PDCD2L: variants seen among roughly 807,000 people sequenced by gnomAD.
PDCD2L encodes uS5 assembly chaperone PDCD2L.
A neutral mutation model predicts 40.4 loss-of-function variants in PDCD2L; 44 were observed. The ratio of observed to expected loss-of-function variants is 1.09; its 90% CI spans 0.86 to 1.40. The LOEUF is 1.40. Among genes scored for constraint, PDCD2L ranks in the 40% most tolerant of loss-of-function variants. PDCD2L has a pLI of 0.00. For missense variants in PDCD2L, 470 were observed against 453.7 expected, an observed-to-expected ratio of 1.04 and a Z score of -0.33; for synonymous variants, 194 against 174.6, an observed-to-expected ratio of 1.11 and a Z score of -0.88.
At chr19:34,409,069 T>C in intron 3 of PDCD2L, 92 bp from the exon 4 acceptor site, 1 of 1,187,142 alleles carries the variant, frequency 8.4e-7, no homozygotes, top group Non-Finnish European at 1.2e-6. Context: ...GAAGGCTCCC[T>C]CTGGAAGGCG....
intron 5 of PDCD2L, among the ~76,000 whole-genome samples, chr19:34,421,136 T>C (rs2075148907): frequency 6.6e-6 from 1 of 152,154 alleles, no homozygotes; most frequent in Non-Finnish European, 1.5e-5. Flanking sequence ...CTATTCCTAA[T>C]AGGCTACCAA....
chr19:34,411,186 G>C (rs2075101342), intron 4 of PDCD2L, among the ~76,000 whole-genome samples: 1 of 126,712 alleles, frequency 7.9e-6, no homozygotes, highest in African/African-American at 3.0e-5. Flanking sequence ...TTTTTTTAGA[G>C]ATGGGATCTT....
At chr19:34,418,068 A>T (rs902378102) in intron 5 of PDCD2L, among the ~76,000 whole-genome samples, 4 of 152,186 alleles carry the variant, frequency 2.6e-5, no homozygotes, top group Non-Finnish European at 4.4e-5. Context: ...TACTCATTTG[A>T]CATCTGTGTA....
In PDCD2L at chr19:34,413,849, TA is replaced by T. The variant is rs770316566; in HGVS notation, c.797+9del. On this transcript the variant is annotated splice_donor_region_variant and intron_variant, in intron 5 of 6. Coordinates refer to ENST00000246535, the MANE Select transcript of PDCD2L (RefSeq NM_032346.2). ...TGCTTGTCAGGAGCAGATTTTGAGGTAAAAAAAGGCACAGTTCCTTTTATTG... is the reference window on the plus strand; with the variant it reads ...TGCTTGTCAGGAGCAGATTTTGAGGTAAAAAAGGCACAGTTCCTTTTATTG... 26 of 1,529,140 alleles carry T rather than the reference TA, an allele frequency of 1.7e-5. No homozygotes were observed. The highest frequency in any genetic ancestry group is 3.5e-5 in the South Asian group (3 of 86,894). The allele number at this position is 1,529,140 out of a possible 1,614,324, so 94.7% of individuals were successfully genotyped here.
intron 5 of PDCD2L, among the ~76,000 whole-genome samples, chr19:34,419,886 G>A (rs117605524): frequency 0.015 from 2,202 of 145,298 alleles, 25 homozygotes; most frequent in South Asian, 0.026. Flanking sequence ...GAGCTCAAGT[G>A]ATCCTCCTGC....
At chr19:34,411,839 G>A (rs2075104714) in intron 4 of PDCD2L, among the ~76,000 whole-genome samples, 1 of 151,362 alleles carries the variant, frequency 6.6e-6, no homozygotes, top group South Asian at 2.1e-4. Context: ...ATTTTTAGTA[G>A]AGATGGGGCT....
In PDCD2L at chr19:34,410,766, ATT is replaced by A. The variant is rs1568358398; in HGVS notation, c.686+1258_686+1259del. 2.1e-4 allele frequency among the ~76,000 whole-genome samples: 31 copies of A among 149,590 alleles called. 1 individual carries two copies. Among genetic ancestry groups the A allele is most frequent in the East Asian group, 7.8e-4 (4 of 5,128 alleles). The stretch of plus-strand genomic sequence containing the variant: ...TGGTTATAAGGACTTTTTATTTTTT[ATT>A]TATTTATTTATTTATTTATTTATTT... On this transcript the variant is annotated intron_variant, in intron 4 of 6. Coordinates refer to ENST00000246535, the MANE Select transcript of PDCD2L (RefSeq NM_032346.2).
At chr19:34,413,327 A>ATTTTTTT (rs34915589) in intron 4 of PDCD2L, among the ~76,000 whole-genome samples, 5 of 98,822 alleles carry the variant, frequency 5.1e-5, no homozygotes, top group East Asian at 3.3e-4. Flanking sequence ...GGCGTGATTG[A>ATTTTTTT]TTTTTTTTTT....
chr19:34,411,668 T>G (rs1199269618), intron 4 of PDCD2L, among the ~76,000 whole-genome samples: 1 of 152,014 alleles, frequency 6.6e-6, no homozygotes, highest in Non-Finnish European at 1.5e-5. Flanking sequence ...ATTTTTGGTT[T>G]TTTTGAGACA....
chr19:34,408,300 T>C (rs2075086301), intron 3 of PDCD2L, among the ~76,000 whole-genome samples: 1 of 152,010 alleles, frequency 6.6e-6, no homozygotes, highest in African/African-American at 2.4e-5. Flanking sequence ...TTGTCAGGGT[T>C]CAGGTGCAGA....
intron 2 of PDCD2L, 56 bp from the exon 3 acceptor site, chr19:34,404,874 G>A: frequency 6.2e-7 from 1 of 1,610,470 alleles, no homozygotes; most frequent in Non-Finnish European, 8.5e-7. Context: ...GCTGGGGCGG[G>A]CCGGCGGGCT....
At chr19:34,405,143 G>GTTTTT (rs74177144) in intron 3 of PDCD2L, among the ~76,000 whole-genome samples, 153 bp downstream of exon 3, 48 of 111,072 alleles carry the variant, frequency 4.3e-4, no homozygotes, top group African/African-American at 8.0e-4. Context: ...TTTTCGTAAA[G>GTTTTT]TTTTTTTTTT....
chr19:34,405,781 C>A (rs2075071995), intron 3 of PDCD2L, among the ~76,000 whole-genome samples: 1 of 152,064 alleles, frequency 6.6e-6, no homozygotes, highest in Admixed American at 6.5e-5. Context: ...TGGCAGACAC[C>A]TGTAATCCCA....
Position 34,409,163 on chromosome 19 carries a change from A to G in PDCD2L, c.339A>G (p.Lys113=), listed in dbSNP as rs2075090269. The part of the protein sequence containing the change: ...VPEREAQDAQ[K]QGNSLAAEDW... ...TCATTCACTGAGTATTTTTCCAGAA[A>G]CAGGGAAACAGCCTTGCAGCTGAGG... The change falls in exon 4 of 7, where the codon AAA becomes AAG. Residue 113 remains lysine, a splice_region_variant and synonymous_variant. Coordinates refer to ENST00000246535, the MANE Select transcript of PDCD2L (RefSeq NM_032346.2). 1 of 1,606,852 alleles carries G rather than the reference A, an allele frequency of 6.2e-7. No individual in the cohort carries two copies.
At chr19:34,406,619 G>A (rs781468811) in intron 3 of PDCD2L, among the ~76,000 whole-genome samples, 3 of 151,458 alleles carry the variant, frequency 2.0e-5, no homozygotes, top group African/African-American at 4.9e-5. Flanking sequence ...TATTGATCTC[G>A]TGACCTTGTC....
intron 3 of PDCD2L, among the ~76,000 whole-genome samples, chr19:34,405,559 C>A (rs2075070745): frequency 6.6e-6 from 1 of 151,796 alleles, no homozygotes; most frequent in Non-Finnish European, 1.5e-5. Flanking sequence ...CGCCTGTGAT[C>A]CCACCGTTTT....
Position 34,404,655 on chromosome 19 carries a change from C to G in PDCD2L, c.115C>G (p.Leu39Val), listed in dbSNP as rs1248642957. 6.2e-7 allele frequency: 1 copy of G among 1,610,844 alleles called. No individual in the cohort carries two copies. The highest frequency in any genetic ancestry group is 1.1e-5 in the South Asian group (1 of 91,016). ...GCCTCCTCTGTCCCCTCAGGATGCT[C>G]TGCCCACCGTGGCTGCGCCCAGGCC... ...ASKLGGIPDA[L>V]PTVAAPRPVC... is the part of the protein sequence containing the mutation. The change falls in exon 2 of 7, where the codon CTG (leucine) becomes GTG (valine). Residue 39 changes from leucine (L) to valine (V), a missense_variant. Coordinates refer to ENST00000246535, the MANE Select transcript of PDCD2L (RefSeq NM_032346.2).
chr19:34,421,949 G>A (rs1272281584), intron 6 of PDCD2L: 6 of 203,138 alleles, frequency 3.0e-5, no homozygotes, highest in African/African-American at 4.7e-5. Flanking sequence ...TTAGCTGGGC[G>A]TGGTGGCACG....
chr19:34,408,204 G>A (rs1425027860), intron 3 of PDCD2L, among the ~76,000 whole-genome samples: 5 of 152,154 alleles, frequency 3.3e-5, no homozygotes, highest in African/African-American at 4.8e-5. Flanking sequence ...CACTGGGCCC[G>A]GCCTGCACCC....
Sources: allele counts gnomAD v4.1 joint callset (sites outside exome capture counted in the v4.1 genomes callset), GRCh38; gene constraint gnomAD v4.1.1; transcripts MANE v1.5; gene names NCBI Gene and HGNC (gene_info 2026-07-23, HGNC 2026-07-21).